Variants in MECOM observed in about 807,000 individuals in gnomAD.
MECOM encodes MDS1 and EVI1 complex locus.
MECOM carries 13 observed loss-of-function variants against 116.3 expected under a neutral mutation model. That is an observed-to-expected ratio of 0.11 (90% confidence interval 0.07 to 0.18). The LOEUF (loss-of-function observed/expected upper bound fraction) is 0.18. MECOM is among the 10% of genes least tolerant of loss of function. The pLI is 1.00. For synonymous variants in MECOM, 528 were observed against 535.2 expected (o/e 0.99, Z 0.19); for missense variants, 1,299 against 1,509.0 (o/e 0.86, Z 2.31).
intron 1 of MECOM, among the ~76,000 whole-genome samples, chr3:169,503,037 C>T (rs1342602499): frequency 6.6e-6 from 1 of 152,142 alleles, no homozygotes; most frequent in Non-Finnish European, 1.5e-5. Flanking sequence ...GTACTTACCA[C>T]ACACCAGGCA....
chr3:169,184,821 A>C (rs1746489475), intron 2 of MECOM, among the ~76,000 whole-genome samples: 1 of 152,246 alleles, frequency 6.6e-6, no homozygotes, highest in African/African-American at 2.4e-5. Context: ...ATACTCTTAC[A>C]TGCAGTCCTA....
chr3:169,343,342 A>C (rs1451455636), intron 2 of MECOM, among the ~76,000 whole-genome samples: 1 of 152,138 alleles, frequency 6.6e-6, no homozygotes, highest in Non-Finnish European at 1.5e-5. Context: ...GAGTTTTGCC[A>C]GGAGAAATCC....
rs10662806 is a variant in MECOM, at chr3:169,261,745, A to AAAGAAG, written c.376-117919_376-117914dup. Among the ~76,000 whole-genome samples the AAAGAAG allele has an allele frequency of 6.1e-3, 910 of 150,338 alleles. 5 individuals are homozygous for AAAGAAG. Among genetic ancestry groups the AAAGAAG allele is most frequent in the Non-Finnish European group, 9.9e-3 (673 of 67,838 alleles). ...AAGGAGAAGGAGAAGGAGAAGGAGA[A>AAAGAAG]AAGAAGAAGAAGAAGAGGAAGAAGA... is the stretch of plus-strand genomic sequence containing the variant. On this transcript the variant is annotated intron_variant, in intron 2 of 16. Coordinates refer to ENST00000651503, the MANE Select transcript of MECOM (RefSeq NM_004991.4).
intron 1 of MECOM, among the ~76,000 whole-genome samples, chr3:169,518,069 C>T (rs557450561): frequency 6.7e-4 from 102 of 152,212 alleles, no homozygotes; most frequent in African/African-American, 2.3e-3. Flanking sequence ...ACCATCCTGG[C>T]TAACATGGTG....
rs146863128 is a variant in MECOM at position 169,182,788 on chromosome 3, A to G, written c.376-38956T>C. Among the ~76,000 whole-genome samples the G allele has an allele frequency of 5.6e-3, 848 of 152,296 alleles. 4 individuals carry two copies. The highest frequency in any genetic ancestry group is 9.9e-3 in the South Asian group (48 of 4,826). ...GCTCAAACAGATGATCTTCAGATATATTGAGAATTCACTTCTCTGGAACTC... is the reference window on the plus strand; with the variant it reads ...GCTCAAACAGATGATCTTCAGATATGTTGAGAATTCACTTCTCTGGAACTC... On this transcript the variant is annotated intron_variant, in intron 2 of 16. Transcript: ENST00000651503.
In MECOM at chr3:169,499,346, CAAAAAAAAAAA is replaced by C. The variant is rs60302997; in HGVS notation, c.38-117833_38-117823del. On this transcript the variant is annotated intron_variant, in intron 1 of 16. Coordinates refer to ENST00000651503, the MANE Select transcript of MECOM (RefSeq NM_004991.4). ...GCAGAGAGAAAAGACAGATTACCCACAAAAAAAAAAAAAAAAAAAAAAAAAAGAGTATAGTC... is the reference window on the plus strand; with the variant it reads ...GCAGAGAGAAAAGACAGATTACCCACAAAAAAAAAAAAAAAGAGTATAGTC... 2.5e-4 allele frequency among the ~76,000 whole-genome samples: 13 copies of C among 51,578 alleles called. 1 individual carries two copies. Among genetic ancestry groups the C allele is most frequent in the East Asian group, 1.5e-3 (4 of 2,724 alleles). 33.8% of individuals were successfully genotyped at this position (51,578 alleles called of 152,430 possible).
chr3:169,638,474 C>T (rs1170217138), intron 1 of MECOM, among the ~76,000 whole-genome samples: 5 of 152,210 alleles, frequency 3.3e-5, no homozygotes, highest in African/African-American at 1.2e-4. Flanking sequence ...CACATCCCAC[C>T]TGACCCTTAG....
intron 2 of MECOM, among the ~76,000 whole-genome samples, chr3:169,174,371 A>G (rs112855495): frequency 4.6e-5 from 7 of 152,326 alleles, no homozygotes; most frequent in African/African-American, 1.4e-4. Context: ...TACATTACTA[A>G]TGTAATGGAC....
intron 1 of MECOM, among the ~76,000 whole-genome samples, chr3:169,390,332 T>C (rs1386669791): frequency 2.0e-5 from 3 of 152,218 alleles, no homozygotes; most frequent in African/African-American, 7.2e-5. Context: ...TAGGAGAGAC[T>C]GTGCTCTAGC....
intron 2 of MECOM, among the ~76,000 whole-genome samples, chr3:169,230,026 A>G (rs1303772616): frequency 1.3e-5 from 2 of 152,184 alleles, no homozygotes; most frequent in Non-Finnish European, 2.9e-5. Flanking sequence ...TCAAGGAAGA[A>G]TACTTCAGGG....
At chr3:169,092,906 A>G (rs1720211582) in intron 14 of MECOM, 52 bp downstream of exon 14, 1 of 1,609,274 alleles carries the variant, frequency 6.2e-7, no homozygotes, top group African/African-American at 1.3e-5. Context: ...TATATTTTAA[A>G]ACATGTTCAT....
At chr3:169,133,665 T>A (rs983026557) in intron 3 of MECOM, among the ~76,000 whole-genome samples, 2 of 151,894 alleles carry the variant, frequency 1.3e-5, no homozygotes, top group Non-Finnish European at 2.9e-5. Context: ...GCTGTTTCTA[T>A]AAAAAAAATA....
intron 1 of MECOM, among the ~76,000 whole-genome samples, chr3:169,650,484 A>G (rs1560535922): frequency 6.6e-6 from 1 of 152,184 alleles, no homozygotes; most frequent in African/African-American, 2.4e-5. Flanking sequence ...GATTGATTTC[A>G]GCTACAGCCT....
At chr3:169,478,193 T>C (rs756952190) in intron 1 of MECOM, among the ~76,000 whole-genome samples, 34 of 152,190 alleles carry the variant, frequency 2.2e-4, no homozygotes, top group Non-Finnish European at 4.7e-4. Context: ...GGAAGGCTCT[T>C]GGATTTGGGG....
At chr3:169,353,175 T>C (rs1379946594) in intron 2 of MECOM, among the ~76,000 whole-genome samples, 1 of 151,908 alleles carries the variant, frequency 6.6e-6, no homozygotes, top group Non-Finnish European at 1.5e-5. Flanking sequence ...TTATAAGAGA[T>C]AGCTAATGCT....
chr3:169,627,482 T>C (rs1366315585), intron 1 of MECOM, among the ~76,000 whole-genome samples: 1 of 152,250 alleles, frequency 6.6e-6, no homozygotes, highest in African/African-American at 2.4e-5. Flanking sequence ...TTAAGTGGAT[T>C]CTTACATTGA....
At chr3:169,638,519 G>A (rs755540073) in intron 1 of MECOM, among the ~76,000 whole-genome samples, 10 of 152,098 alleles carry the variant, frequency 6.6e-5, no homozygotes, top group Non-Finnish European at 8.8e-5. Context: ...GGAACTTGAC[G>A]TCTTACAAGT....
chr3:169,328,414 T>C (rs1036028280), intron 2 of MECOM, among the ~76,000 whole-genome samples: 2 of 152,216 alleles, frequency 1.3e-5, no homozygotes, highest in Admixed American at 1.3e-4. Flanking sequence ...GCTTGCTCAG[T>C]GCAAAGTAAC....
chr3:169,262,039 C>T (rs1757634306), intron 2 of MECOM, among the ~76,000 whole-genome samples: 1 of 152,204 alleles, frequency 6.6e-6, no homozygotes, highest in Non-Finnish European at 1.5e-5. Context: ...TATGGAACGT[C>T]TACCCTGTGC....
Sources: allele counts gnomAD v4.1 joint callset (sites outside exome capture counted in the v4.1 genomes callset), GRCh38; gene constraint gnomAD v4.1.1; transcripts MANE v1.5; gene names NCBI Gene and HGNC (gene_info 2026-07-23, HGNC 2026-07-21).